PRKD1: variants seen among roughly 807,000 people sequenced by gnomAD.
PRKD1 encodes the protein serine/threonine-protein kinase D1.
Under a neutral mutation model 95.9 loss-of-function variants are expected in PRKD1, and 63 were observed. That is an observed-to-expected ratio of 0.66 (90% CI 0.54 to 0.81). PRKD1 has a LOEUF of 0.81. PRKD1 is among the 30% of genes least tolerant of loss of function. PRKD1 has a pLI of 0.00. For missense variants in PRKD1, 1,048 were observed against 1,165.3 expected (o/e 0.90, Z 1.47); for synonymous variants, 425 against 423.1 (o/e 1.00, Z -0.05).
At chr14:29,843,459 T>C (rs1283699807) in intron 1 of PRKD1, among the ~76,000 whole-genome samples, 1 of 152,084 alleles carries the variant, frequency 6.6e-6, no homozygotes, top group Admixed American at 6.6e-5. Flanking sequence ...CTGCAGATAT[T>C]GACAAAAAAA....
chr14:29,841,708 A>G (rs1461367390), intron 1 of PRKD1, among the ~76,000 whole-genome samples: 3 of 152,168 alleles, frequency 2.0e-5, no homozygotes, highest in African/African-American at 7.2e-5. Flanking sequence ...GCATGAAAAG[A>G]GACTAATACA....
intron 1 of PRKD1, among the ~76,000 whole-genome samples, chr14:29,771,414 C>T (rs1594502720): frequency 1.3e-5 from 2 of 152,246 alleles, no homozygotes; most frequent in African/African-American, 4.8e-5. Context: ...CTCTGCCTCC[C>T]ACATTCTGGC....
At position 29,837,108 on chromosome 14, in the gene PRKD1, G is replaced by A. The variant is rs546852160; in HGVS notation, c.264+90141C>T. On this transcript the variant is annotated intron_variant, in intron 1 of 17. Transcript: ENST00000331968. ...TAAATGGCCCTAAAAACTGTAAAAGGGGTCATGCACCTCCACACCATAAAT... is the reference window on the plus strand; with the variant it reads ...TAAATGGCCCTAAAAACTGTAAAAGAGGTCATGCACCTCCACACCATAAAT... Among the ~76,000 whole-genome samples, 5 of 152,112 alleles carry A rather than the reference G, an allele frequency of 3.3e-5. No homozygotes were observed. The South Asian group carries it at 8.3e-4, about 25-fold the overall frequency.
At chr14:29,927,211 C>G (rs1477986573) in intron 1 of PRKD1, 38 bp downstream of exon 1, 35 of 1,458,300 alleles carry the variant, frequency 2.4e-5, no homozygotes, top group Non-Finnish European at 3.1e-5. Flanking sequence ...CCCTGCGCCG[C>G]GGGGAGGCGC....
intron 1 of PRKD1, among the ~76,000 whole-genome samples, chr14:29,760,976 T>C (rs925388127): frequency 7.2e-5 from 11 of 152,164 alleles, no homozygotes; most frequent in African/African-American, 2.4e-4. Flanking sequence ...AGTTTCTTGC[T>C]CTGTCACCCA....
chr14:29,642,997 G>GA (rs1159946961), intron 4 of PRKD1, among the ~76,000 whole-genome samples: 1 of 151,424 alleles, frequency 6.6e-6, no homozygotes, highest in African/African-American at 2.4e-5. Flanking sequence ...TATGTTCAGA[G>GA]AAAAAAATGG....
At chr14:29,586,825 A>G (rs1403366970) in intron 16 of PRKD1, among the ~76,000 whole-genome samples, 2 of 152,038 alleles carry the variant, frequency 1.3e-5, no homozygotes, top group Non-Finnish European at 2.9e-5. Flanking sequence ...GGGTTTCTCC[A>G]TGTTGGTCAG....
chr14:29,616,243 CA>C (rs72142312), intron 13 of PRKD1, among the ~76,000 whole-genome samples: 48 of 33,954 alleles, frequency 1.4e-3, no homozygotes, highest in African/African-American at 4.0e-3. Flanking sequence ...AGAGTATGGC[CA>C]AAAAAAAAAA....
At chr14:29,849,469 T>C (rs1195938636) in intron 1 of PRKD1, among the ~76,000 whole-genome samples, 1 of 151,780 alleles carries the variant, frequency 6.6e-6, no homozygotes, top group Non-Finnish European at 1.5e-5. Context: ...GATAAATTCC[T>C]CAAAACAGAC....
rs529046175 is a variant in PRKD1 at position 29,886,646 on chromosome 14, C to T, written c.264+40603G>A. On this transcript the variant is annotated intron_variant, in intron 1 of 17. Coordinates refer to ENST00000331968, the MANE Select transcript of PRKD1 (RefSeq NM_002742.3). ...ATGAAAAAACTTATTCTATCACCAT[C>T]TGCTGATATCCTTTCAGCCAATTCT... Among the ~76,000 whole-genome samples the T allele has an allele frequency of 1.1e-4, 17 of 152,336 alleles. No homozygotes were observed. In the South Asian group the frequency reaches 3.5e-3, roughly 32 times the overall value.
At chr14:29,594,837 CTAA>C (rs1396302908) in intron 16 of PRKD1, among the ~76,000 whole-genome samples, 2 of 152,166 alleles carry the variant, frequency 1.3e-5, no homozygotes. Flanking sequence ...ATTAAAACTT[CTAA>C]TGATGGAATT....
At chr14:29,598,802 CA>C (rs949146909) in intron 15 of PRKD1, among the ~76,000 whole-genome samples, 8 of 152,144 alleles carry the variant, frequency 5.3e-5, no homozygotes, top group African/African-American at 1.4e-4. Flanking sequence ...CCGGAAAAGC[CA>C]AAAGGCAGAA....
chr14:29,675,748 G>A (rs1261735595), intron 2 of PRKD1, among the ~76,000 whole-genome samples: 1 of 152,090 alleles, frequency 6.6e-6, no homozygotes, highest in Non-Finnish European at 1.5e-5. Context: ...ATCAATGATA[G>A]ACTGGATTAA....
At chr14:29,915,143 T>C (rs575289452) in intron 1 of PRKD1, among the ~76,000 whole-genome samples, 1 of 152,368 alleles carries the variant, frequency 6.6e-6, no homozygotes, top group East Asian at 1.9e-4. Flanking sequence ...CATCTACTAA[T>C]TTTGAACCAC....
At chr14:29,779,423 A>G (rs1486085591) in intron 1 of PRKD1, among the ~76,000 whole-genome samples, 1 of 151,976 alleles carries the variant, frequency 6.6e-6, no homozygotes, top group Non-Finnish European at 1.5e-5. Context: ...TAAGCTGATA[A>G]GCAACTTCAG....
At chr14:29,774,197 G>A (rs1888635287) in intron 1 of PRKD1, among the ~76,000 whole-genome samples, 1 of 152,184 alleles carries the variant, frequency 6.6e-6, no homozygotes, top group South Asian at 2.1e-4. Context: ...AAGCTAGTGT[G>A]GCACCTGCTG....
chr14:29,820,360 T>C (rs1183067904), intron 1 of PRKD1, among the ~76,000 whole-genome samples: 3 of 152,194 alleles, frequency 2.0e-5, no homozygotes, highest in Non-Finnish European at 2.9e-5. Context: ...GTAATTAAAA[T>C]AGAATCTATG....
chr14:29,726,276 T>C (rs1438899815), intron 1 of PRKD1, among the ~76,000 whole-genome samples: 1 of 152,158 alleles, frequency 6.6e-6, no homozygotes, highest in Non-Finnish European at 1.5e-5. Context: ...TCATGCAATC[T>C]GTCAATCCAC....
intron 1 of PRKD1, among the ~76,000 whole-genome samples, chr14:29,922,596 AG>A (rs1356803822): frequency 6.6e-6 from 1 of 152,188 alleles, no homozygotes; most frequent in East Asian, 1.9e-4. Context: ...AAATTTTAAA[AG>A]TACAGGCAGG....
Sources: allele counts gnomAD v4.1 joint callset (sites outside exome capture counted in the v4.1 genomes callset), GRCh38; gene constraint gnomAD v4.1.1; transcripts MANE v1.5; gene names NCBI Gene and HGNC (gene_info 2026-07-23, HGNC 2026-07-21).